ERBB4: variants seen among roughly 807,000 people sequenced by gnomAD.
The protein encoded by ERBB4 is receptor tyrosine-protein kinase erbB-4.
In ERBB4, 42 loss-of-function variants were observed where a neutral mutation model predicts 158.0. The observed-to-expected ratio is 0.27, with a 90% CI of 0.21 to 0.34. The LOEUF (loss-of-function observed/expected upper bound fraction) is 0.34, where lower values mean the gene tolerates loss of function less well. ERBB4 is among the 10% of genes least tolerant of loss of function. The probability of loss-of-function intolerance (pLI) is 1.00; values close to 1 mark genes in which losing one functional copy is unlikely to be tolerated. For synonymous variants in ERBB4, 583 were observed against 558.7 expected (o/e 1.04, Z -0.61); for missense variants, 1,333 against 1,624.1 (o/e 0.82, Z 3.08).
rs138012967 is a variant in ERBB4 at position 212,479,917 on chromosome 2, A to G, written c.82+58532T>C. ...ATGGTAGGTCATGGCCTCACAAAGA[A>G]AATCTCCAATGTACATTCCTGCATT... On this transcript the variant is annotated intron_variant, in intron 1 of 27. Transcript: ENST00000342788. 1.6e-3 allele frequency among the ~76,000 whole-genome samples: 241 copies of G among 152,258 alleles called. 3 individuals carry two copies. Among genetic ancestry groups the G allele is most frequent in the Non-Finnish European group, 6.9e-4 (47 of 68,022 alleles).
chr2:212,316,276 A>C (rs999590984), intron 1 of ERBB4, among the ~76,000 whole-genome samples: 2 of 151,438 alleles, frequency 1.3e-5, no homozygotes, highest in African/African-American at 4.8e-5. Flanking sequence ...GCCCACATGC[A>C]TGTACACACA....
intron 2 of ERBB4, among the ~76,000 whole-genome samples, chr2:212,000,758 G>C (rs535040912): frequency 6.6e-6 from 1 of 151,780 alleles, no homozygotes; most frequent in Admixed American, 6.6e-5. Flanking sequence ...TAATTAGATA[G>C]AATCATGTAT....
At chr2:212,296,373 T>C (rs2086410286) in intron 1 of ERBB4, among the ~76,000 whole-genome samples, 1 of 151,810 alleles carries the variant, frequency 6.6e-6, no homozygotes, top group Admixed American at 6.6e-5. Context: ...TGGTTTCCAA[T>C]GAGAGAATTT....
At chr2:212,014,579 GTAT>G (rs2076464633) in intron 2 of ERBB4, among the ~76,000 whole-genome samples, 1 of 152,104 alleles carries the variant, frequency 6.6e-6, no homozygotes, top group South Asian at 2.1e-4. Flanking sequence ...TATCTTTAGA[GTAT>G]TATTTGATCA....
At chr2:211,846,611 T>C (rs2106018042) in intron 3 of ERBB4, among the ~76,000 whole-genome samples, 1 of 152,278 alleles carries the variant, frequency 6.6e-6, no homozygotes, top group East Asian at 1.9e-4. Context: ...TTTGACCACC[T>C]GGAATTCTAA....
Position 212,347,338 on chromosome 2 carries a change from T to C in ERBB4, c.82+191111A>G, listed in dbSNP as rs1275905688. Reference sequence around the variant, plus strand: ...GACTTCCGTTATTCTCTGCTGCTTTTAGTAAATAATTACAACTTTGATAAG... The same window carrying C: ...GACTTCCGTTATTCTCTGCTGCTTTCAGTAAATAATTACAACTTTGATAAG... On this transcript the variant is annotated intron_variant, in intron 1 of 27. Coordinates refer to ENST00000342788, the MANE Select transcript of ERBB4 (RefSeq NM_005235.3). Among the ~76,000 whole-genome samples, 5 of 152,250 alleles carry C rather than the reference T, an allele frequency of 3.3e-5. No homozygotes were observed. The East Asian group carries it at 7.7e-4, about 23-fold the overall frequency.
At chr2:212,091,793 A>G (rs771185495) in intron 2 of ERBB4, among the ~76,000 whole-genome samples, 5 of 152,168 alleles carry the variant, frequency 3.3e-5, no homozygotes, top group Non-Finnish European at 5.9e-5. Flanking sequence ...TTGTTTGCCC[A>G]TATTTTTGAA....
chr2:211,788,498 A>T (rs1575149744), intron 3 of ERBB4, among the ~76,000 whole-genome samples: 1 of 152,054 alleles, frequency 6.6e-6, no homozygotes, highest in Non-Finnish European at 1.5e-5. Flanking sequence ...CTGCTTGTTT[A>T]GTTTAATATT....
intron 2 of ERBB4, among the ~76,000 whole-genome samples, chr2:212,098,556 G>A (rs2078994551): frequency 6.6e-6 from 1 of 152,120 alleles, no homozygotes; most frequent in African/African-American, 2.4e-5. Flanking sequence ...TGTTTAACAG[G>A]CAATTGGAAA....
chr2:211,551,663 T>A (rs2067101971), intron 20 of ERBB4, among the ~76,000 whole-genome samples: 1 of 152,200 alleles, frequency 6.6e-6, no homozygotes, highest in South Asian at 2.1e-4. Flanking sequence ...TTTTTTAAAT[T>A]TCTATAATTT....
Position 211,679,054 on chromosome 2 carries a change from A to G in ERBB4, c.1620T>C (p.Asp540=). ...RICIESCNLY[D]GEFREFENGS... ...GGCAACCCTAGAAGAAGCCTTACCC[A>G]TCATAGAGGTTACAAGACTCTATGC... The change falls in exon 13 of 28, where the codon GAT becomes GAC. Residue 540 remains aspartate (D), a splice_region_variant and synonymous_variant. Coordinates refer to ENST00000342788, the MANE Select transcript of ERBB4 (RefSeq NM_005235.3). 6.2e-7 allele frequency: 1 copy of G among 1,609,640 alleles called. No individual in the cohort carries two copies. The highest frequency in any genetic ancestry group is 8.5e-7 in the Non-Finnish European group (1 of 1,177,836).
chr2:212,342,592 AT>A (rs1175309717), intron 1 of ERBB4, among the ~76,000 whole-genome samples: 1 of 152,134 alleles, frequency 6.6e-6, no homozygotes, highest in Non-Finnish European at 1.5e-5. Context: ...GGAAGTGTGA[AT>A]TTTTAGCCTC....
At chr2:211,905,495 T>G (rs777021687) in intron 3 of ERBB4, among the ~76,000 whole-genome samples, 3 of 151,668 alleles carry the variant, frequency 2.0e-5, no homozygotes, top group Non-Finnish European at 4.4e-5. Flanking sequence ...TGAGGAGCCA[T>G]TATTTTGACT....
intron 3 of ERBB4, among the ~76,000 whole-genome samples, chr2:211,885,994 C>T (rs996695895): frequency 7.2e-5 from 11 of 151,970 alleles, no homozygotes; most frequent in African/African-American, 1.2e-4. Flanking sequence ...ATTTTCTATA[C>T]GTCAAATATT....
chr2:211,471,131 C>A (rs2064817665), intron 20 of ERBB4, among the ~76,000 whole-genome samples: 1 of 151,894 alleles, frequency 6.6e-6, no homozygotes, highest in Non-Finnish European at 1.5e-5. Context: ...GATAAGACTA[C>A]CATATGAAGA....
chr2:211,673,990 T>C (rs2071955061), intron 13 of ERBB4, among the ~76,000 whole-genome samples: 1 of 152,144 alleles, frequency 6.6e-6, no homozygotes, highest in Admixed American at 6.6e-5. Context: ...CATCCCTTCC[T>C]ATATCCTTAC....
chr2:212,121,076 A>G (rs1229481924), intron 2 of ERBB4, among the ~76,000 whole-genome samples: 1 of 152,266 alleles, frequency 6.6e-6, no homozygotes, highest in East Asian at 1.9e-4. Context: ...ATTCAAAGGT[A>G]TAATTTGAAA....
intron 20 of ERBB4, among the ~76,000 whole-genome samples, chr2:211,458,599 A>G (rs1280348524): frequency 6.6e-6 from 1 of 152,166 alleles, no homozygotes; most frequent in Non-Finnish European, 1.5e-5. Flanking sequence ...TTCTCCCTTC[A>G]AAAAACCTTT....
At chr2:212,049,898 G>T (rs1438421136) in intron 2 of ERBB4, among the ~76,000 whole-genome samples, 1 of 152,072 alleles carries the variant, frequency 6.6e-6, no homozygotes, top group Admixed American at 6.6e-5. Flanking sequence ...TTCCAAGTCT[G>T]CACTTCACAT....
Sources: gnomAD v4.1 joint callset for allele counts (sites outside exome capture counted in the v4.1 genomes callset) on GRCh38, gnomAD v4.1.1 for gene constraint, MANE v1.5 for transcripts, NCBI Gene and HGNC (gene_info 2026-07-23, HGNC 2026-07-21) for gene names.